KATNAL1: variants seen among roughly 807,000 people sequenced by gnomAD.
KATNAL1 encodes katanin catalytic subunit A1 like 1.
Under a neutral mutation model 55.2 loss-of-function variants are expected in KATNAL1, and 32 were observed. That is an observed-to-expected ratio of 0.58 (90% CI 0.44 to 0.78). The LOEUF is 0.78. Among genes scored for constraint, KATNAL1 ranks in the 30% least tolerant of loss-of-function variants. KATNAL1 has a pLI of 0.00. For synonymous variants in KATNAL1, 193 were observed against 193.6 expected (o/e 1.00, Z 0.02); for missense variants, 466 against 600.9 (o/e 0.78, Z 2.35).
chr13:30,225,057 C>A (rs1308461983), intron 9 of KATNAL1, among the ~76,000 whole-genome samples: 1 of 152,170 alleles, frequency 6.6e-6, no homozygotes, highest in African/African-American at 2.4e-5. Flanking sequence ...GTAGTTTCTG[C>A]CACATTTCTT....
rs2388502 is a variant in KATNAL1, at chr13:30,242,791, G to A, written c.493-1705C>T. ...GTGGTACACATGAGACTTGAATACC[G>A]ATCGAGGACTACAAAAAAGATTCTG... On this transcript the variant is annotated intron_variant, in intron 4 of 10. Coordinates refer to ENST00000380615, the MANE Select transcript of KATNAL1 (RefSeq NM_032116.5). Among the ~76,000 whole-genome samples, 223 of 152,028 alleles carry A rather than the reference G, an allele frequency of 1.5e-3. 4 individuals are homozygous for A. In the East Asian group the frequency reaches 0.038, roughly 26 times the overall value.
Position 30,208,506 on chromosome 13 carries a change from C to T in KATNAL1, c.*34G>A, listed in dbSNP as rs937635608. ...CAGGAATTTCTTCGTATTTTATCAA[C>T]AAAAATACCAGAAATTAAAGAGCTG... On this transcript the variant is annotated 3_prime_UTR_variant, in exon 11 of 11. Transcript: ENST00000380615. 1 of 1,437,138 alleles carries T rather than the reference C, an allele frequency of 7.0e-7. No homozygotes were observed. The highest frequency in any genetic ancestry group is 9.2e-7 in the Non-Finnish European group (1 of 1,081,414). The allele number at this position is 1,437,138 out of a possible 1,614,324, so 89.0% of individuals were successfully genotyped here. A position where few individuals can be genotyped will look rare whatever the true frequency, so the allele number is the denominator to read the frequency against.
At chr13:30,298,556 T>C (rs1469908461) in intron 1 of KATNAL1, among the ~76,000 whole-genome samples, 2 of 152,120 alleles carry the variant, frequency 1.3e-5, no homozygotes, top group Non-Finnish European at 2.9e-5. Flanking sequence ...TAATACAACA[T>C]AAAGCAAAAT....
chr13:30,292,517 T>C (rs1168586763), intron 1 of KATNAL1, among the ~76,000 whole-genome samples: 3 of 152,176 alleles, frequency 2.0e-5, no homozygotes, highest in Non-Finnish European at 4.4e-5. Context: ...TATGCTTCCC[T>C]ACCCCTTGTT....
intron 3 of KATNAL1, among the ~76,000 whole-genome samples, chr13:30,271,044 C>T (rs1880315745): frequency 6.6e-6 from 1 of 151,778 alleles, no homozygotes; most frequent in African/African-American, 2.4e-5. Context: ...GACATTTGAA[C>T]AAATGAGGTG....
At chr13:30,277,426 G>A (rs1196792580) in intron 3 of KATNAL1, among the ~76,000 whole-genome samples, 1 of 152,168 alleles carries the variant, frequency 6.6e-6, no homozygotes, top group Non-Finnish European at 1.5e-5. Flanking sequence ...GGTTTCAGAA[G>A]CAGAATTCAC....
chr13:30,229,674 C>T (rs1875878033), intron 8 of KATNAL1, among the ~76,000 whole-genome samples: 1 of 152,234 alleles, frequency 6.6e-6, no homozygotes, highest in African/African-American at 2.4e-5. Flanking sequence ...GCTGTGTTCA[C>T]ACCACTGTAC....
intron 1 of KATNAL1, among the ~76,000 whole-genome samples, chr13:30,284,015 C>T (rs1881606873): frequency 6.6e-6 from 1 of 151,922 alleles, no homozygotes; most frequent in South Asian, 2.1e-4. Flanking sequence ...GGTGCACCAC[C>T]ATGCCCGGCT....
intron 4 of KATNAL1, among the ~76,000 whole-genome samples, chr13:30,243,879 T>C (rs1239799753): frequency 1.3e-5 from 2 of 152,200 alleles, no homozygotes; most frequent in Non-Finnish European, 2.9e-5. Flanking sequence ...ATCTGTTGCC[T>C]GATTTCAATG....
chr13:30,248,737 C>T (rs1179103751), intron 4 of KATNAL1, among the ~76,000 whole-genome samples: 4 of 151,644 alleles, frequency 2.6e-5, no homozygotes, highest in Admixed American at 1.3e-4. Context: ...CCAGCCTGGC[C>T]AACGTGGTGA....
At chr13:30,306,381 C>T (rs1421199511) in intron 1 of KATNAL1, among the ~76,000 whole-genome samples, 1 of 151,698 alleles carries the variant, frequency 6.6e-6, no homozygotes, top group Non-Finnish European at 1.5e-5. Context: ...CTAAAAAAGT[C>T]TGTTTTTAAA....
intron 1 of KATNAL1, chr13:30,296,323 C>A: frequency 8.6e-7 from 1 of 1,163,964 alleles, no homozygotes; most frequent in Non-Finnish European, 1.2e-6. Context: ...CTGCAGTCAG[C>A]AGCCATGCCG....
intron 3 of KATNAL1, among the ~76,000 whole-genome samples, chr13:30,263,781 G>A (rs1317101485): frequency 4.4e-5 from 6 of 137,900 alleles, no homozygotes; most frequent in Admixed American, 7.5e-5. Context: ...AATCAATATC[G>A]TGAAAATGGC....
intron 6 of KATNAL1, 32 bp from the exon 7 acceptor site, chr13:30,231,504 A>C: frequency 7.0e-7 from 1 of 1,419,202 alleles, no homozygotes; most frequent in Non-Finnish European, 9.3e-7. Context: ...TAAATGATTT[A>C]TCAGATTAAA....
intron 2 of KATNAL1, among the ~76,000 whole-genome samples, chr13:30,282,900 A>G (rs1026948198): frequency 2.0e-5 from 3 of 149,196 alleles, no homozygotes; most frequent in Non-Finnish European, 4.4e-5. Context: ...GCTTACAGTG[A>G]GCCGAGATCG....
intron 9 of KATNAL1, among the ~76,000 whole-genome samples, chr13:30,222,780 G>A (rs1225844950): frequency 6.6e-6 from 1 of 152,072 alleles, no homozygotes; most frequent in African/African-American, 2.4e-5. Context: ...AAATTTAAAT[G>A]GACTAAATAC....
rs554440783 is a variant in KATNAL1, at chr13:30,269,078, C to T, written c.323+10985G>A. ...GCTCCCTCTCCCTCTCCCCCTCCCC[C>T]TCTCCCCACGGTCTCTCTCTCCCTC... On this transcript the variant is annotated intron_variant, in intron 3 of 10. Coordinates refer to ENST00000380615, the MANE Select transcript of KATNAL1 (RefSeq NM_032116.5). Among the ~76,000 whole-genome samples, 206 of 152,276 alleles carry T rather than the reference C, an allele frequency of 1.4e-3. 1 individual carries two copies. Among genetic ancestry groups the T allele is most frequent in the African/African-American group, 4.6e-3 (193 of 41,558 alleles).
chr13:30,250,934 C>T (rs1878236381), intron 4 of KATNAL1, among the ~76,000 whole-genome samples: 2 of 151,940 alleles, frequency 1.3e-5, no homozygotes, highest in Non-Finnish European at 2.9e-5. Flanking sequence ...GTCAGGAGAT[C>T]GAGACCATCC....
At chr13:30,209,788 T>C (rs1873485146) in intron 10 of KATNAL1, among the ~76,000 whole-genome samples, 1 of 152,188 alleles carries the variant, frequency 6.6e-6, no homozygotes, top group Admixed American at 6.5e-5. Flanking sequence ...AATTTCTTTT[T>C]TTTTCTTTTT....
Sources: gnomAD v4.1 joint callset for allele counts (sites outside exome capture counted in the v4.1 genomes callset) on GRCh38, gnomAD v4.1.1 for gene constraint, MANE v1.5 for transcripts, NCBI Gene and HGNC (gene_info 2026-07-23, HGNC 2026-07-21) for gene names.